Variants in CELF1 observed in about 807,000 individuals in gnomAD.
CELF1 encodes CUGBP Elav-like family member 1, also known as 50 kDa nuclear polyadenylated RNA-binding protein.
A neutral mutation model predicts 61.8 loss-of-function variants in CELF1; 10 were observed. The ratio of observed to expected loss-of-function variants is 0.16; its 90% CI spans 0.10 to 0.27. The LOEUF (loss-of-function observed/expected upper bound fraction) is 0.27, where lower values mean the gene tolerates loss of function less well. Among genes scored for constraint, CELF1 ranks in the 10% least tolerant of loss-of-function variants. The pLI is 1.00. For missense variants in CELF1, 380 were observed against 639.1 expected (o/e 0.59, Z 4.37); for synonymous variants, 236 against 225.1 (o/e 1.05, Z -0.43).
At chr11:47,550,665 G>A (rs984044875) in intron 1 of CELF1, among the ~76,000 whole-genome samples, 1 of 151,884 alleles carries the variant, frequency 6.6e-6, no homozygotes, top group Non-Finnish European at 1.5e-5. Context: ...CTATGGGTGA[G>A]TTTCTTCATT....
intron 3 of CELF1, among the ~76,000 whole-genome samples, chr11:47,498,552 C>T (rs990545228): frequency 1.1e-4 from 17 of 152,216 alleles, no homozygotes; most frequent in African/African-American, 3.9e-4. Flanking sequence ...CAAAGACTTG[C>T]ATTAACACTT....
At chr11:47,556,351 AT>A (rs914874131), upstream of CELF1, among the ~76,000 whole-genome samples, 1 of 151,732 alleles carries the variant, frequency 6.6e-6, no homozygotes, top group South Asian at 2.1e-4. Flanking sequence ...TGTCCAACTA[AT>A]TTTTTTTCTT....
At chr11:47,508,238 C>G (rs891779502) in intron 1 of CELF1, among the ~76,000 whole-genome samples, 17 of 152,170 alleles carry the variant, frequency 1.1e-4, no homozygotes, top group African/African-American at 3.9e-4. Flanking sequence ...GTTAAGAGTT[C>G]TTCTGGAAGA....
At chr11:47,490,607 G>A (rs766893396) in intron 3 of CELF1, among the ~76,000 whole-genome samples, 2 of 151,820 alleles carry the variant, frequency 1.3e-5, no homozygotes, top group Non-Finnish European at 2.9e-5. Flanking sequence ...TGTATTTTTA[G>A]TAGAGATGGG....
At chr11:47,519,453 C>T (rs140917438) in intron 1 of CELF1, among the ~76,000 whole-genome samples, 2,129 of 151,794 alleles carry the variant, frequency 0.014, 48 homozygotes, top group African/African-American at 0.048. Flanking sequence ...GCACTCCAGC[C>T]TGTGTGACAG....
At position 47,547,680 on chromosome 11, in the gene CELF1, AAAAG is replaced by A. The variant is rs370712566; in HGVS notation, c.-154+5308_-154+5311del. Among the ~76,000 whole-genome samples the A allele has an allele frequency of 5.6e-4, 84 of 149,572 alleles. 1 individual carries two copies. The highest frequency in any genetic ancestry group is 8.1e-4 in the Non-Finnish European group (54 of 66,980). On this transcript the variant is annotated intron_variant, in intron 1 of 14. Coordinates refer to ENST00000687097, the MANE Select transcript of CELF1 (RefSeq NM_001376376.1). The stretch of plus-strand genomic sequence containing the variant: ...GCGAAACTCCATCTCAAAAAAAAAA[AAAAG>A]AAAAAAAAAAGGAAATTAGGTCCTG...
chr11:47,543,734 C>G (rs572955557), intron 1 of CELF1, among the ~76,000 whole-genome samples: 1 of 151,646 alleles, frequency 6.6e-6, no homozygotes, highest in Non-Finnish European at 1.5e-5. Context: ...ATAGCGGACC[C>G]GTGGACCCCT....
At chr11:47,527,955 G>A (rs2153680668) in intron 1 of CELF1, among the ~76,000 whole-genome samples, 1 of 152,182 alleles carries the variant, frequency 6.6e-6, no homozygotes, top group Middle Eastern at 3.4e-3. Flanking sequence ...AATTAGCTGG[G>A]CGTGGTGGTG....
intron 2 of CELF1, among the ~76,000 whole-genome samples, chr11:47,562,539 A>AAG (rs2097229685): frequency 6.6e-6 from 1 of 150,504 alleles, no homozygotes; most frequent in Non-Finnish European, 1.5e-5. Flanking sequence ...CAAAAAAAAA[A>AAG]AAAAAAAAAA....
At chr11:47,560,518 A>C (rs1398906628) in intron 2 of CELF1, among the ~76,000 whole-genome samples, 1 of 152,194 alleles carries the variant, frequency 6.6e-6, no homozygotes, top group Non-Finnish European at 1.5e-5. Flanking sequence ...TGTATATGAA[A>C]TGTTTGGAAT....
intron 6 of CELF1, among the ~76,000 whole-genome samples, chr11:47,485,454 C>T (rs1025829483): frequency 2.6e-5 from 4 of 152,170 alleles, no homozygotes; most frequent in South Asian, 2.1e-4. Context: ...TACAGGTGTG[C>T]GCCACTGTGC....
intron 6 of CELF1, among the ~76,000 whole-genome samples, chr11:47,486,217 C>G (rs1022104079): frequency 4.0e-5 from 6 of 151,064 alleles, no homozygotes; most frequent in Non-Finnish European, 8.8e-5. Context: ...TCATTTTGCC[C>G]CCTCATTCCT....
chr11:47,538,802 C>T (rs1026404903), intron 1 of CELF1, among the ~76,000 whole-genome samples: 3 of 152,084 alleles, frequency 2.0e-5, no homozygotes, highest in East Asian at 3.8e-4. Context: ...ACGTTAGAAG[C>T]GCTAAACTGT....
At chr11:47,545,392 C>T (rs1017931885) in intron 1 of CELF1, among the ~76,000 whole-genome samples, 10 of 152,162 alleles carry the variant, frequency 6.6e-5, no homozygotes, top group South Asian at 2.1e-4. Context: ...GATTGAACCA[C>T]TGTACGCTAG....
chr11:47,503,566 A>C (rs937263050), intron 1 of CELF1, among the ~76,000 whole-genome samples: 2 of 152,198 alleles, frequency 1.3e-5, no homozygotes, highest in African/African-American at 4.8e-5. Context: ...AAATCTAGGG[A>C]ATGGTTATAA....
chr11:47,472,782 C>T lies in CELF1; in HGVS notation c.1417+306G>A, dbSNP rs561681477. ...CTGGTCTCGAACTCCTAGGCTCAAG[C>T]GATCCTCCTGCCTTGGCCTCCCCAA... On this transcript the variant is annotated intron_variant, in intron 14 of 14. Coordinates refer to ENST00000687097, the MANE Select transcript of CELF1 (RefSeq NM_001376376.1). Among the ~76,000 whole-genome samples, 8 of 152,236 alleles carry T rather than the reference C, an allele frequency of 5.3e-5. No homozygotes were observed. In the East Asian group the frequency reaches 1.2e-3, roughly 22 times the overall value.
rs112228338 is a variant in CELF1, at chr11:47,483,365, A to G, written c.606+88T>C. 4.2e-4 allele frequency: 409 copies of G among 975,126 alleles called. No individual in the cohort carries two copies. The African/African-American group carries it at 5.2e-3, about 12-fold the overall frequency. The allele number at this position is 975,126 out of a possible 1,614,324, so 60.4% of individuals were successfully genotyped here. ...GCTGTTTAACCTTCTGGGCAATCAGATGCTGCACATGCTGCTGGACTTTAA... is the reference window on the plus strand; with the variant it reads ...GCTGTTTAACCTTCTGGGCAATCAGGTGCTGCACATGCTGCTGGACTTTAA... On this transcript the variant is annotated intron_variant, in intron 8 of 14. Coordinates refer to ENST00000687097, the MANE Select transcript of CELF1 (RefSeq NM_001376376.1).
At chr11:47,558,325 T>C (rs540471993) in intron 2 of CELF1, among the ~76,000 whole-genome samples, 5 of 150,602 alleles carry the variant, frequency 3.3e-5, no homozygotes, top group African/African-American at 1.2e-4. Context: ...TATGGTCAAA[T>C]TTCCTATGAG....
upstream of CELF1, among the ~76,000 whole-genome samples, chr11:47,554,201 C>T (rs2097195818): frequency 6.6e-6 from 1 of 152,038 alleles, no homozygotes; most frequent in Non-Finnish European, 1.5e-5. Context: ...GGGAAAAAAA[C>T]TAACCAGAGT....
Sources: allele counts gnomAD v4.1 joint callset (sites outside exome capture counted in the v4.1 genomes callset), GRCh38; gene constraint gnomAD v4.1.1; transcripts MANE v1.5; gene names NCBI Gene and HGNC (gene_info 2026-07-23, HGNC 2026-07-21).